Variants in CFAP97D2 observed in about 807,000 individuals in gnomAD.
CFAP97D2 encodes uncharacterized protein CFAP97D2.
intron 4 of CFAP97D2, among the ~76,000 whole-genome samples, chr13:114,217,245 A>G (rs1440560939): frequency 6.6e-6 from 1 of 152,214 alleles, no homozygotes; most frequent in African/African-American, 2.4e-5. Context: ...AGAATACTAT[A>G]AACACCTCTA....
chr13:114,193,227 C>T (rs2080875580), intron 1 of CFAP97D2, among the ~76,000 whole-genome samples: 1 of 151,986 alleles, frequency 6.6e-6, no homozygotes, highest in South Asian at 2.1e-4. Context: ...AATGGAAAAA[C>T]TACTAAAAAC....
Position 114,182,080 on chromosome 13 carries a change from C to T in CFAP97D2, c.90+2660C>T, listed in dbSNP as rs952442163. On this transcript the variant is annotated intron_variant, in intron 1 of 4. Coordinates refer to ENST00000646158, the Ensembl canonical transcript of CFAP97D2. ...GCACCAGCACCGGTCTCTGAGTTCCCTCAGTTTTTATTGATTATTATTTTC... is the reference window on the plus strand; with the variant it reads ...GCACCAGCACCGGTCTCTGAGTTCCTTCAGTTTTTATTGATTATTATTTTC... Among the ~76,000 whole-genome samples, 15 of 152,002 alleles carry T rather than the reference C, an allele frequency of 9.9e-5. 1 individual carries two copies. The highest frequency in any genetic ancestry group is 2.9e-4 in the African/African-American group (12 of 41,428).
At chr13:114,183,895 C>A (rs1013892351) in intron 1 of CFAP97D2, among the ~76,000 whole-genome samples, 1 of 152,216 alleles carries the variant, frequency 6.6e-6, no homozygotes, top group African/African-American at 2.4e-5. Flanking sequence ...TGCCTGTAAT[C>A]CCAGCACTTT....
In CFAP97D2 at chr13:114,211,298, C is replaced by T. The variant is rs1032443762; in HGVS notation, c.291-614C>T. ...CACTGCAGTGGGCTGGCATCGATGCCCCTCCCTCCCACTTCATGCTCCCCA... is the reference window on the plus strand; with the variant it reads ...CACTGCAGTGGGCTGGCATCGATGCTCCTCCCTCCCACTTCATGCTCCCCA... On this transcript the variant is annotated intron_variant, in intron 3 of 4. Transcript: ENST00000646158. The surrounding 1 kb of genome is among the most constrained non-coding windows in gnomAD (Gnocchi z 4.2). Among the ~76,000 whole-genome samples the T allele has an allele frequency of 6.6e-6, 1 of 152,074 alleles. No homozygotes were observed. Among genetic ancestry groups the T allele is most frequent in the East Asian group, 1.9e-4 (1 of 5,182 alleles).
intron 1 of CFAP97D2, among the ~76,000 whole-genome samples, chr13:114,182,426 T>C (rs1027201782): frequency 2.0e-5 from 3 of 152,138 alleles, no homozygotes; most frequent in East Asian, 1.9e-4. Flanking sequence ...GACAGTGGCC[T>C]TCCTCTATCT....
At chr13:114,221,006 C>A (rs567193490) in intron 4 of CFAP97D2, among the ~76,000 whole-genome samples, 1 of 152,188 alleles carries the variant, frequency 6.6e-6, no homozygotes, top group Non-Finnish European at 1.5e-5. Context: ...CCCAGCACTT[C>A]GGGAGGCCGA....
chr13:114,216,538 G>A (rs1594523123), intron 4 of CFAP97D2, among the ~76,000 whole-genome samples: 1 of 152,130 alleles, frequency 6.6e-6, no homozygotes, highest in Admixed American at 6.5e-5. Context: ...AGAACATGCG[G>A]TGTTTGGTTT....
At chr13:114,196,612 T>C (rs2080888620) in intron 2 of CFAP97D2, 136 bp downstream of exon 2, 2 of 395,318 alleles carry the variant, frequency 5.1e-6, no homozygotes, top group South Asian at 1.4e-4. Context: ...GGTGATTAAT[T>C]AGCCCCGTCT....
intron 4 of CFAP97D2, among the ~76,000 whole-genome samples, chr13:114,217,305 T>C (rs1183419293): frequency 3.9e-5 from 6 of 152,074 alleles, no homozygotes; most frequent in Non-Finnish European, 8.8e-5. Context: ...CCTGGACACA[T>C]ACACCCTCCC....
intron 2 of CFAP97D2, among the ~76,000 whole-genome samples, chr13:114,199,903 T>G (rs376419773): frequency 0.01 from 14 of 1,372 alleles, 2 homozygotes; most frequent in South Asian, 0.05. Flanking sequence ...GTCCCCGTGC[T>G]TACGGTCCCC....
chr13:114,198,561 CAG>C (rs2080898022), intron 2 of CFAP97D2, among the ~76,000 whole-genome samples: 1 of 152,280 alleles, frequency 6.6e-6, no homozygotes, highest in Non-Finnish European at 1.5e-5. Context: ...TGCCTCGCCT[CAG>C]TGTTACTCTC....
At chr13:114,181,202 C>T (rs1174127993) in intron 1 of CFAP97D2, among the ~76,000 whole-genome samples, 1 of 152,172 alleles carries the variant, frequency 6.6e-6, no homozygotes, top group Non-Finnish European at 1.5e-5. Flanking sequence ...AAGAGAGAAA[C>T]TGGAAGTCAC....
rs1034110619 is a variant in CFAP97D2, at chr13:114,222,060, C to A, written c.481-438C>A. Among the ~76,000 whole-genome samples the A allele has an allele frequency of 2.0e-5, 3 of 152,158 alleles. No homozygotes were observed. Among genetic ancestry groups the A allele is most frequent in the Non-Finnish European group, 2.9e-5 (2 of 68,018 alleles). On this transcript the variant is annotated intron_variant, in intron 4 of 4. Coordinates refer to ENST00000646158, the Ensembl canonical transcript of CFAP97D2. This position sits in a 1 kb window ranked among gnomAD's most constrained non-coding sequence, Gnocchi z 4.4. ...TGATACTAGTTACAGAATGGATAAA[C>A]CTTAAAGACATTATTATGTTCCGTG...
intron 4 of CFAP97D2, among the ~76,000 whole-genome samples, chr13:114,213,575 A>G (rs1215454424): frequency 7.0e-6 from 1 of 142,902 alleles, no homozygotes; most frequent in Non-Finnish European, 1.5e-5. Context: ...TGGAAACTCC[A>G]GGACCACAGA....
At position 114,185,333 on chromosome 13, in the gene CFAP97D2, G is replaced by T. The variant is rs916622414; in HGVS notation, c.90+5913G>T. ...GGCCGAGCTGCCTGCTGACGGGAGAGCAGTGCAGTTGGGCACACAGGAGCA... is the reference window on the plus strand; with the variant it reads ...GGCCGAGCTGCCTGCTGACGGGAGATCAGTGCAGTTGGGCACACAGGAGCA... On this transcript the variant is annotated intron_variant, in intron 1 of 4. Coordinates refer to ENST00000646158, the Ensembl canonical transcript of CFAP97D2. The surrounding 1 kb of genome is among the most constrained non-coding windows in gnomAD (Gnocchi z 5.2). 1.3e-5 allele frequency among the ~76,000 whole-genome samples: 2 copies of T among 152,236 alleles called. No homozygotes were observed. Among genetic ancestry groups the T allele is most frequent in the African/African-American group, 4.8e-5 (2 of 41,460 alleles).
Position 114,196,599 on chromosome 13 carries a change from CT to C in CFAP97D2, c.171+124del, listed in dbSNP as rs2080888528. ...AAACTCACCGAAGACAAAATGCAGTCTAGGTGATTAATTAGCCCCGTCTGTC... is the reference window on the plus strand; with the variant it reads ...AAACTCACCGAAGACAAAATGCAGTCAGGTGATTAATTAGCCCCGTCTGTC... On this transcript the variant is annotated intron_variant, in intron 2 of 4. Coordinates refer to ENST00000646158, the Ensembl canonical transcript of CFAP97D2. 3.0e-5 allele frequency: 12 copies of C among 395,990 alleles called. No individual in the cohort carries two copies. In the East Asian group the frequency reaches 4.3e-4, roughly 14 times the overall value. The allele number at this position is 395,990 out of a possible 1,614,324, so 24.5% of individuals were successfully genotyped here.
Position 114,186,639 on chromosome 13 carries a change from C to A in CFAP97D2, c.90+7219C>A, listed in dbSNP as rs1354876942. 2.6e-5 allele frequency among the ~76,000 whole-genome samples: 4 copies of A among 152,258 alleles called. No individual in the cohort carries two copies. Among genetic ancestry groups the A allele is most frequent in the Non-Finnish European group, 5.9e-5 (4 of 68,044 alleles). On this transcript the variant is annotated intron_variant, in intron 1 of 4. Coordinates refer to ENST00000646158, the Ensembl canonical transcript of CFAP97D2. This position sits in a 1 kb window ranked among gnomAD's most constrained non-coding sequence, Gnocchi z 4.3. The stretch of plus-strand genomic sequence containing the variant: ...CTGTGACTCCCACTTTGGGGCCCTG[C>A]AGTTCCTGGAGCCTCCAAGCTTCTG...
chr13:114,208,904 C>T (rs373029106), intron 3 of CFAP97D2, among the ~76,000 whole-genome samples: 1 of 152,302 alleles, frequency 6.6e-6, no homozygotes, highest in African/African-American at 2.4e-5. Context: ...CGAGTTCTCC[C>T]TGCCGCCTCC....
At position 114,179,362 on chromosome 13, in the gene CFAP97D2, G is replaced by A. The variant is rs2080824735; in HGVS notation, c.32G>A (p.Cys11Tyr). The change falls in exon 1 of 5, where the codon TGT (cysteine) becomes TAT (tyrosine). Residue 11 changes from cysteine to tyrosine, a missense_variant. Physicochemically the swap from Cys to Tyr is radical, Grantham distance 194. Coordinates refer to ENST00000646158, the Ensembl canonical transcript of CFAP97D2. This position sits in a 1 kb window ranked among gnomAD's most constrained non-coding sequence, Gnocchi z 4.8. ...GGAGCCCCCCGGCTGACCTTTCCCT[G>A]TGCCAGTGAGTACCTGTGGCATGCA... The A allele has an allele frequency of 2.5e-6, 1 of 398,530 alleles. No individual in the cohort carries two copies. Among genetic ancestry groups the A allele is most frequent in the Non-Finnish European group, 4.4e-6 (1 of 226,164 alleles). 24.7% of individuals were successfully genotyped at this position (398,530 alleles called of 1,614,324 possible).
Sources: gnomAD v4.1 joint callset for allele counts (sites outside exome capture counted in the v4.1 genomes callset) on GRCh38, gnomAD v4.1.1 for gene constraint, Gnocchi (gnomAD v3.1) non-coding constraint, MANE v1.5 for transcripts, NCBI Gene and HGNC (gene_info 2026-07-23, HGNC 2026-07-21) for gene names.